Variants in EXOC5 observed in about 807,000 individuals in gnomAD.
EXOC5 encodes exocyst complex component 5.
Under a neutral mutation model 90.8 loss-of-function variants are expected in EXOC5, and 17 were observed. That is an observed-to-expected ratio of 0.19 (90% confidence interval 0.13 to 0.28). EXOC5 has a LOEUF of 0.28. Ranked by LOEUF, EXOC5 falls within the 10% of genes least tolerant of loss-of-function variation. The pLI, the probability that EXOC5 is intolerant of heterozygous loss-of-function variation, is 1.00. For synonymous variants in EXOC5, 260 were observed against 270.0 expected, an observed-to-expected ratio of 0.96 and a Z score of 0.36; for missense variants, 569 against 830.6, an observed-to-expected ratio of 0.69 and a Z score of 3.87.
At chr14:57,243,479 T>C (rs566473242) in intron 4 of EXOC5, 5 of 152,292 alleles carry the variant, frequency 3.3e-5, no homozygotes, top group Admixed American at 3.3e-4. Flanking sequence ...GAGTGGACAA[T>C]GTTGCTATGT....
chr14:57,257,100 G>A (rs1884369186), intron 1 of EXOC5, among the ~76,000 whole-genome samples: 1 of 152,180 alleles, frequency 6.6e-6, no homozygotes, highest in Non-Finnish European at 1.5e-5. Context: ...GAGGTGCTGA[G>A]AAATAGGTTC....
chr14:57,266,723 ATG>A lies in EXOC5; in HGVS notation c.27+1897_27+1898del, dbSNP rs1029070971. Among the ~76,000 whole-genome samples, 23 of 106,314 alleles carry A rather than the reference ATG, an allele frequency of 2.2e-4. No individual in the cohort carries two copies. In the East Asian group the frequency reaches 3.6e-3, roughly 16 times the overall value. 69.7% of individuals were successfully genotyped at this position (106,314 alleles called of 152,430 possible). On this transcript the variant is annotated intron_variant, in intron 1 of 17. Coordinates refer to ENST00000621441, the MANE Select transcript of EXOC5 (RefSeq NM_006544.4). ...ATATACGTTATATATATATATGTGTATGTGTGTGTGTGTATATATATATATAT... is the reference window on the plus strand; with the variant it reads ...ATATACGTTATATATATATATGTGTATGTGTGTGTGTATATATATATATAT...
At chr14:57,247,072 A>C (rs964687503) in intron 2 of EXOC5, among the ~76,000 whole-genome samples, 4 of 152,176 alleles carry the variant, frequency 2.6e-5, no homozygotes, top group African/African-American at 9.6e-5. Flanking sequence ...TGTCCAGGCC[A>C]CATGGCTTTA....
At position 57,268,704 on chromosome 14, in the gene EXOC5, G is replaced by C. The variant is rs928816291; in HGVS notation, c.-56C>G. On this transcript the variant is annotated 5_prime_UTR_variant, in exon 1 of 18. Coordinates refer to ENST00000621441, the MANE Select transcript of EXOC5 (RefSeq NM_006544.4). The stretch of plus-strand genomic sequence containing the variant: ...GGATGCCGTCTCCGCTTCACATGCT[G>C]CGCCTCAGAGGCGCGGCGCACAGGT... 1.3e-6 allele frequency: 2 copies of C among 1,554,122 alleles called. No homozygotes were observed. The highest frequency in any genetic ancestry group is 8.6e-7 in the Non-Finnish European group (1 of 1,159,042).
At chr14:57,218,994 C>G (rs1237120101) in intron 14 of EXOC5, among the ~76,000 whole-genome samples, 1 of 151,930 alleles carries the variant, frequency 6.6e-6, no homozygotes, top group Non-Finnish European at 1.5e-5. Flanking sequence ...TCTATCGGAT[C>G]TTTTAAAAGA....
intron 1 of EXOC5, among the ~76,000 whole-genome samples, chr14:57,259,606 A>C (rs887597732): frequency 8.5e-5 from 13 of 152,180 alleles, no homozygotes; most frequent in African/African-American, 2.4e-4. Flanking sequence ...AAACACTGCT[A>C]TACCATTATT....
At chr14:57,221,538 G>T (rs1367013998) in intron 13 of EXOC5, among the ~76,000 whole-genome samples, 1 of 152,180 alleles carries the variant, frequency 6.6e-6, no homozygotes, top group Non-Finnish European at 1.5e-5. Context: ...AGATGGAGAA[G>T]AGTACATGAA....
chr14:57,232,470 A>T lies in EXOC5; in HGVS notation c.938+197T>A, dbSNP rs577102145. ...AGAGAAAAAATAAAGCATAACATCC[A>T]ATTCCTGACGTTAATGTATTAAGAA... On this transcript the variant is annotated intron_variant, in intron 10 of 17. Transcript: ENST00000621441. The T allele has an allele frequency of 3.4e-5, 12 of 354,030 alleles. No homozygotes were observed. In the South Asian group the frequency reaches 1.6e-3, roughly 47 times the overall value. The allele number at this position is 354,030 out of a possible 1,614,324, so 21.9% of individuals were successfully genotyped here. A position where few individuals can be genotyped will look rare whatever the true frequency, so the allele number is the denominator to read the frequency against.
At position 57,209,612 on chromosome 14, in the gene EXOC5, G is replaced by T. The variant is rs1804820; in HGVS notation, c.1893C>A (p.Ala631=). 149,991 of 1,612,376 alleles carry T rather than the reference G, an allele frequency of 0.093. 23,215 individuals carry two copies. The highest frequency in any genetic ancestry group is 0.72 in the African/African-American group (53,853 of 74,822). The change falls in exon 17 of 18, where the codon GCC becomes GCA. Residue 631 remains alanine (A), a synonymous_variant. Coordinates refer to ENST00000621441, the MANE Select transcript of EXOC5 (RefSeq NM_006544.4). ...YSYSCMGGML[A]ICDVAEYRKC... ...TCCTATATTCGGCTACATCACAAATGGCCAACATGCCACCCATACAACTGT... is the reference window on the plus strand; with the variant it reads ...TCCTATATTCGGCTACATCACAAATTGCCAACATGCCACCCATACAACTGT...
chr14:57,230,424 A>AACAC (rs141411059), intron 11 of EXOC5, among the ~76,000 whole-genome samples: 6 of 92,272 alleles, frequency 6.5e-5, no homozygotes, highest in African/African-American at 3.0e-4. Flanking sequence ...GACTACCGTA[A>AACAC]ACACACACAC....
intron 15 of EXOC5, among the ~76,000 whole-genome samples, chr14:57,214,958 A>G (rs1342535335): frequency 6.6e-6 from 1 of 152,146 alleles, no homozygotes; most frequent in Non-Finnish European, 1.5e-5. Flanking sequence ...GGCTGGGCGC[A>G]GTGACTCATA....
At chr14:57,245,823 C>A (rs542080235) in intron 3 of EXOC5, among the ~76,000 whole-genome samples, 12 of 152,056 alleles carry the variant, frequency 7.9e-5, no homozygotes, top group Non-Finnish European at 1.5e-4. Context: ...GAGGCCGAGG[C>A]AGGCGGATCA....
chr14:57,227,203 A>G (rs1883333653), intron 12 of EXOC5, among the ~76,000 whole-genome samples: 1 of 152,172 alleles, frequency 6.6e-6, no homozygotes, highest in Admixed American at 6.6e-5. Flanking sequence ...GATGCTCAAC[A>G]TGAATCATCA....
At position 57,244,494 on chromosome 14, in the gene EXOC5, T is replaced by A. The variant is rs1883974435; in HGVS notation, c.271-135A>T. 7.5e-6 allele frequency: 5 copies of A among 669,124 alleles called. No homozygotes were observed. The Admixed American group carries it at 8.8e-5, about 12-fold the overall frequency. 41.4% of individuals were successfully genotyped at this position (669,124 alleles called of 1,614,324 possible). On this transcript the variant is annotated intron_variant, in intron 3 of 17. Transcript: ENST00000621441. The stretch of plus-strand genomic sequence containing the variant: ...GATCTACAAAATTCATGCTCATTAG[T>A]GTGACATGATCTGAAAATCTGTTAA...
At chr14:57,225,040 C>T (rs925494044) in intron 12 of EXOC5, among the ~76,000 whole-genome samples, 4 of 151,768 alleles carry the variant, frequency 2.6e-5, no homozygotes, top group South Asian at 2.1e-4. Context: ...CCAGCCTGGG[C>T]GTCAGAGTGA....
chr14:57,215,787 C>G (rs1420654226), intron 15 of EXOC5, among the ~76,000 whole-genome samples: 1 of 152,178 alleles, frequency 6.6e-6, no homozygotes, highest in African/African-American at 2.4e-5. Context: ...GATGTCCACT[C>G]TCACTACTTC....
intron 2 of EXOC5, 46 bp from the exon 3 acceptor site, chr14:57,246,904 T>A (rs1270637628): frequency 1.7e-6 from 2 of 1,187,044 alleles, no homozygotes. Flanking sequence ...CTATTATTAA[T>A]CCTTAGGAAC....
chr14:57,254,340 C>T (rs1884283601), intron 1 of EXOC5, among the ~76,000 whole-genome samples: 1 of 151,516 alleles, frequency 6.6e-6, no homozygotes, highest in Admixed American at 6.6e-5. Flanking sequence ...GAGTCTGAGG[C>T]AGGAGAATCA....
At chr14:57,251,598 A>T (rs944154342) in intron 1 of EXOC5, among the ~76,000 whole-genome samples, 3 of 152,140 alleles carry the variant, frequency 2.0e-5, no homozygotes, top group African/African-American at 7.2e-5. Flanking sequence ...TCAAATCAAC[A>T]CAACTTTAAA....
Sources: gnomAD v4.1 joint callset for allele counts (sites outside exome capture counted in the v4.1 genomes callset) on GRCh38, gnomAD v4.1.1 for gene constraint, MANE v1.5 for transcripts, NCBI Gene and HGNC (gene_info 2026-07-23, HGNC 2026-07-21) for gene names.